FBXW7: variants seen among roughly 807,000 people sequenced by gnomAD.
FBXW7 encodes F-box and WD repeat domain containing 7, also known as F-box/WD repeat-containing protein 7.
In FBXW7, 11 loss-of-function variants were observed where a neutral mutation model predicts 86.3. That is an observed-to-expected ratio of 0.13 (90% CI 0.08 to 0.21). The LOEUF (loss-of-function observed/expected upper bound fraction) is 0.21. Ranked by LOEUF, FBXW7 falls within the 10% of genes least tolerant of loss-of-function variation. FBXW7 has a pLI of 1.00. For missense variants in FBXW7, 488 were observed against 847.4 expected, an observed-to-expected ratio of 0.58 and a Z score of 5.27; for synonymous variants, 313 against 297.9, an observed-to-expected ratio of 1.05 and a Z score of -0.52.
chr4:152,377,598 C>CAA lies in FBXW7; in HGVS notation c.502-27476_502-27475dup, dbSNP rs545737337. Among the ~76,000 whole-genome samples the CAA allele has an allele frequency of 3.4e-3, 434 of 128,596 alleles. 6 individuals carry two copies. The highest frequency in any genetic ancestry group is 1.0e-2 in the African/African-American group (360 of 36,120). The allele number at this position is 128,596 out of a possible 152,430, so 84.4% of individuals were successfully genotyped here. A position where few individuals can be genotyped will look rare whatever the true frequency, so the allele number is the denominator to read the frequency against. On this transcript the variant is annotated intron_variant, in intron 4 of 13. Transcript: ENST00000281708. ...GGAGCCCTGTCTCTACTAAAAATATCAAAAAAAAAAAAAAAAGTTAGCTGG... is the reference window on the plus strand; with the variant it reads ...GGAGCCCTGTCTCTACTAAAAATATCAAAAAAAAAAAAAAAAAAGTTAGCTGG...
At chr4:152,498,357 G>A (rs1384872249) in intron 2 of FBXW7, among the ~76,000 whole-genome samples, 4 of 152,068 alleles carry the variant, frequency 2.6e-5, no homozygotes, top group South Asian at 4.1e-4. Flanking sequence ...ACCTACTAAC[G>A]AAAACTACTG....
At chr4:152,432,821 A>G (rs1459410564) in intron 2 of FBXW7, among the ~76,000 whole-genome samples, 1 of 152,144 alleles carries the variant, frequency 6.6e-6, no homozygotes, top group Non-Finnish European at 1.5e-5. Flanking sequence ...CAAAAAGAAA[A>G]AGGTATTGAA....
chr4:152,486,748 T>G (rs1745378909), intron 2 of FBXW7, among the ~76,000 whole-genome samples: 1 of 152,170 alleles, frequency 6.6e-6, no homozygotes, highest in Non-Finnish European at 1.5e-5. Context: ...ACAAAAAGTA[T>G]AGCATAGTAA....
intron 2 of FBXW7, among the ~76,000 whole-genome samples, chr4:152,449,162 C>T (rs1469495884): frequency 6.6e-6 from 1 of 152,142 alleles, no homozygotes; most frequent in East Asian, 1.9e-4. Flanking sequence ...AACTGCTGAC[C>T]TTTTATGACT....
In FBXW7 at chr4:152,411,195, C is replaced by A. The variant is rs1339184556; in HGVS notation, c.501+108G>T. On this transcript the variant is annotated intron_variant, in intron 4 of 13. Transcript: ENST00000281708. ...AAAACTAGTTCATTTTATTATTACA[C>A]ATCTTAAGATTAATTTTTAGTAATA... 16 of 1,343,108 alleles carry A rather than the reference C, an allele frequency of 1.2e-5. No individual in the cohort carries two copies. In the East Asian group the frequency reaches 3.8e-4, roughly 32 times the overall value. 83.2% of individuals were successfully genotyped at this position (1,343,108 alleles called of 1,614,324 possible).
chr4:152,476,927 T>C (rs1168921632), intron 2 of FBXW7, among the ~76,000 whole-genome samples: 3 of 152,144 alleles, frequency 2.0e-5, no homozygotes, highest in Non-Finnish European at 2.9e-5. Flanking sequence ...CTTCCTATTA[T>C]ACACTACTAT....
intron 2 of FBXW7, among the ~76,000 whole-genome samples, chr4:152,455,661 C>A (rs1742332151): frequency 6.6e-6 from 1 of 152,218 alleles, no homozygotes; most frequent in African/African-American, 2.4e-5. Flanking sequence ...CGGCATTCCA[C>A]TTACAGGCAA....
chr4:152,413,089 A>G (rs1738120702), intron 2 of FBXW7, among the ~76,000 whole-genome samples: 1 of 152,054 alleles, frequency 6.6e-6, no homozygotes, highest in African/African-American at 2.4e-5. Context: ...AAAACTTGAA[A>G]CTGCTAACAA....
chr4:152,410,693 A>G (rs1218358623), intron 4 of FBXW7, among the ~76,000 whole-genome samples: 6 of 152,166 alleles, frequency 3.9e-5, no homozygotes, highest in Non-Finnish European at 5.9e-5. Context: ...AAATGTAAGA[A>G]ATAAGCAAGT....
intron 2 of FBXW7, among the ~76,000 whole-genome samples, chr4:152,533,713 G>A (rs1242182312): frequency 6.6e-6 from 1 of 152,092 alleles, no homozygotes; most frequent in Non-Finnish European, 1.5e-5. Context: ...GAAAGTTTAG[G>A]GACACAGGTA....
At chr4:152,350,388 T>C (rs543559720) in intron 4 of FBXW7, among the ~76,000 whole-genome samples, 12 of 151,710 alleles carry the variant, frequency 7.9e-5, no homozygotes, top group Non-Finnish European at 1.5e-4. Flanking sequence ...ATTATATATA[T>C]ATATTCCTTG....
chr4:152,370,837 T>TCA (rs1303523890), intron 4 of FBXW7, among the ~76,000 whole-genome samples: 6 of 151,216 alleles, frequency 4.0e-5, no homozygotes. Flanking sequence ...TGAGAAAGAC[T>TCA]CACTGCTTCC....
intron 2 of FBXW7, among the ~76,000 whole-genome samples, chr4:152,497,528 A>T (rs988873965): frequency 3.3e-5 from 5 of 152,164 alleles, no homozygotes; most frequent in Non-Finnish European, 5.9e-5. Flanking sequence ...GAATGATCAA[A>T]AACTATGCAA....
At chr4:152,519,969 C>G (rs1240878213) in intron 2 of FBXW7, among the ~76,000 whole-genome samples, 1 of 152,162 alleles carries the variant, frequency 6.6e-6, no homozygotes, top group Non-Finnish European at 1.5e-5. Flanking sequence ...GCTGTGAGGA[C>G]TAAGTTAAAT....
At chr4:152,489,555 G>A (rs1421109441) in intron 2 of FBXW7, 1 of 152,236 alleles carries the variant, frequency 6.6e-6, no homozygotes, top group Non-Finnish European at 1.5e-5. Context: ...ATGAAATATT[G>A]GTTCTAATAT....
At chr4:152,471,387 AGGAAGGAG>A (rs1275296851) in intron 2 of FBXW7, among the ~76,000 whole-genome samples, 33 of 144,288 alleles carry the variant, frequency 2.3e-4, no homozygotes, top group African/African-American at 7.7e-4. Flanking sequence ...GAAGGAGAGA[AGGAAGGAG>A]GGAAGGAGGG....
intron 2 of FBXW7, among the ~76,000 whole-genome samples, chr4:152,520,232 G>A (rs904277589): frequency 6.6e-6 from 1 of 151,740 alleles, no homozygotes; most frequent in Admixed American, 6.6e-5. Context: ...AGGAGATCGA[G>A]ACCATCCTGG....
At chr4:152,439,456 A>C (rs1451599410) in intron 2 of FBXW7, among the ~76,000 whole-genome samples, 1 of 152,138 alleles carries the variant, frequency 6.6e-6, no homozygotes, top group Non-Finnish European at 1.5e-5. Flanking sequence ...AGAGATTACA[A>C]GTTTACACAG....
chr4:152,376,395 G>C (rs934913027), intron 4 of FBXW7, among the ~76,000 whole-genome samples: 1 of 152,024 alleles, frequency 6.6e-6, no homozygotes, highest in Admixed American at 6.6e-5. Flanking sequence ...AATTAGAGAT[G>C]TTATTTTCTG....
Sources: allele counts gnomAD v4.1 joint callset (sites outside exome capture counted in the v4.1 genomes callset), GRCh38; gene constraint gnomAD v4.1.1; transcripts MANE v1.5; gene names NCBI Gene and HGNC (gene_info 2026-07-23, HGNC 2026-07-21).